The following TTLL11 variants were observed in gnomAD, a reference collection of about 807,000 sequenced individuals.
TTLL11 encodes the protein tubulin tyrosine ligase like 11, also known as tubulin polyglutamylase TTLL11.
TTLL11 carries 42 observed loss-of-function variants against 51.7 expected under a neutral mutation model. The observed-to-expected ratio is 0.81, with a 90% CI of 0.64 to 1.05. The LOEUF is 1.05. TTLL11 is among the 50% of genes least tolerant of loss of function. The pLI, the probability that TTLL11 is intolerant of heterozygous loss-of-function variation, is 0.00. For synonymous variants in TTLL11, 381 were observed against 383.5 expected (o/e 0.99, Z 0.08); for missense variants, 799 against 940.4 (o/e 0.85, Z 1.97).
chr9:122,002,289 A>G (rs1324970898), intron 3 of TTLL11, among the ~76,000 whole-genome samples: 1 of 152,168 alleles, frequency 6.6e-6, no homozygotes, highest in Non-Finnish European at 1.5e-5. Flanking sequence ...CTTTGGGGAA[A>G]CAGATGCCCC....
intron 1 of TTLL11, among the ~76,000 whole-genome samples, chr9:122,045,728 G>A (rs1171857639): frequency 2.0e-5 from 3 of 152,184 alleles, no homozygotes; most frequent in Admixed American, 1.3e-4. Context: ...GCCTTATAAA[G>A]GAAGGAAATT....
intron 3 of TTLL11, among the ~76,000 whole-genome samples, chr9:121,999,666 G>T (rs1843403754): frequency 6.6e-6 from 1 of 152,184 alleles, no homozygotes; most frequent in Non-Finnish European, 1.5e-5. Flanking sequence ...GCAACCCTGT[G>T]AGATAGGCAT....
intron 7 of TTLL11, among the ~76,000 whole-genome samples, chr9:121,863,473 T>C (rs1838082518): frequency 6.6e-6 from 1 of 152,216 alleles, no homozygotes; most frequent in African/African-American, 2.4e-5. Context: ...ATAGTCATTT[T>C]TTTTCTGACA....
chr9:122,092,921 C>A lies in TTLL11; in HGVS notation c.228G>T (p.Gly76=). The stretch of plus-strand genomic sequence containing the variant: ...GCGGCCGCTGAAGGACCTGGGTGTT[C>A]CCCTCCTCAGCCGCACTGGGCTGCG... ...APAQPSAAEE[G]NTQVLQRPPP... is the part of the protein sequence containing the mutation. Residue 76 remains glycine, a synonymous_variant, in exon 1 of 9, where the codon GGG becomes GGT. Coordinates refer to ENST00000321582, the MANE Select transcript of TTLL11 (RefSeq NM_001139442.2). 1 of 1,579,432 alleles carries A rather than the reference C, an allele frequency of 6.3e-7. No individual in the cohort carries two copies. Among genetic ancestry groups the A allele is most frequent in the Non-Finnish European group, 8.5e-7 (1 of 1,170,566 alleles).
intron 6 of TTLL11, among the ~76,000 whole-genome samples, chr9:121,899,579 T>C (rs1050254612): frequency 6.6e-6 from 1 of 151,878 alleles, no homozygotes; most frequent in African/African-American, 2.4e-5. Flanking sequence ...TTTATTTTTA[T>C]TTTTTGTAGA....
chr9:121,858,729 G>T (rs1837906956), intron 8 of TTLL11, among the ~76,000 whole-genome samples: 1 of 152,220 alleles, frequency 6.6e-6, no homozygotes, highest in South Asian at 2.1e-4. Flanking sequence ...CATCAGCGAG[G>T]ACTCCAAAGA....
intron 6 of TTLL11, among the ~76,000 whole-genome samples, chr9:121,968,711 C>T (rs1445895787): frequency 1.3e-5 from 2 of 151,938 alleles, no homozygotes; most frequent in Admixed American, 1.3e-4. Flanking sequence ...CATGCACCAC[C>T]ATGCCTGGCT....
rs2131440218 is a variant in TTLL11 at position 121,890,204 on chromosome 9, TC to T, written c.1482-19457del. 6.6e-6 allele frequency among the ~76,000 whole-genome samples: 1 copy of T among 152,218 alleles called. No homozygotes were observed. Among genetic ancestry groups the T allele is most frequent in the South Asian group, 2.1e-4 (1 of 4,824 alleles). On this transcript the variant is annotated intron_variant, in intron 6 of 8. Coordinates refer to ENST00000321582, the MANE Select transcript of TTLL11 (RefSeq NM_001139442.2). The surrounding 1 kb of genome is among the most constrained non-coding windows in gnomAD (Gnocchi z 4.3). ...CCTGACTCAGAGGAGGGATTCCCCA[TC>T]CATCCAGTGTCTGGGCCAGAAACCA...
chr9:122,029,690 T>C (rs1490646897), intron 3 of TTLL11, among the ~76,000 whole-genome samples: 2 of 152,166 alleles, frequency 1.3e-5, no homozygotes, highest in Non-Finnish European at 2.9e-5. Flanking sequence ...CTAAGGCTAA[T>C]TTATCGAAGA....
At chr9:121,926,413 C>A (rs2131539771) in intron 6 of TTLL11, among the ~76,000 whole-genome samples, 1 of 152,364 alleles carries the variant, frequency 6.6e-6, no homozygotes, top group East Asian at 1.9e-4. Context: ...GTGTTCACTG[C>A]CACAAGGCTT....
intron 1 of TTLL11, among the ~76,000 whole-genome samples, chr9:122,060,841 A>G (rs1845416701): frequency 6.6e-6 from 1 of 152,246 alleles, no homozygotes; most frequent in Admixed American, 6.5e-5. Flanking sequence ...TTGAAGAAGA[A>G]CTGTATAACT....
rs562697983 is a variant in TTLL11, at chr9:121,991,209, T to C, written c.694-1439A>G. On this transcript the variant is annotated intron_variant, in intron 3 of 8. Transcript: ENST00000321582. ...TGCACTCTGGCTTGTGCCTTGCGCT[T>C]ATCTCTTTGACCAGCCTATATTTCT... Among the ~76,000 whole-genome samples the C allele has an allele frequency of 2.2e-4, 33 of 152,390 alleles. 1 individual carries two copies. Among genetic ancestry groups the C allele is most frequent in the Middle Eastern group, 3.4e-3 (1 of 294 alleles).
At chr9:121,986,780 T>C (rs1564342466) in intron 4 of TTLL11, among the ~76,000 whole-genome samples, 2 of 152,062 alleles carry the variant, frequency 1.3e-5, no homozygotes, top group Non-Finnish European at 2.9e-5. Context: ...TGCTGTTGAA[T>C]GAATGCCCCA....
intron 1 of TTLL11, among the ~76,000 whole-genome samples, chr9:122,081,891 G>A (rs1846011658): frequency 6.6e-6 from 1 of 151,976 alleles, no homozygotes; most frequent in African/African-American, 2.4e-5. Context: ...CAATCCAAAA[G>A]ATAAAATGAA....
chr9:122,056,279 A>T (rs1588243661), intron 1 of TTLL11, among the ~76,000 whole-genome samples: 2 of 152,222 alleles, frequency 1.3e-5, no homozygotes, highest in Non-Finnish European at 2.9e-5. Flanking sequence ...GACTCGAGTC[A>T]TACAATCACA....
intron 6 of TTLL11, among the ~76,000 whole-genome samples, chr9:121,881,509 C>T (rs1440323845): frequency 2.6e-5 from 4 of 152,230 alleles, no homozygotes; most frequent in Admixed American, 1.3e-4. Flanking sequence ...TTGTTAATTT[C>T]ACTCATCACT....
At chr9:121,851,536 G>C (rs1837663408) in intron 8 of TTLL11, among the ~76,000 whole-genome samples, 1 of 152,206 alleles carries the variant, frequency 6.6e-6, no homozygotes, top group African/African-American at 2.4e-5. Context: ...GCCTGTGTTA[G>C]GTGCTTGATA....
intron 3 of TTLL11, among the ~76,000 whole-genome samples, chr9:122,030,307 T>C (rs1427997756): frequency 6.6e-6 from 1 of 151,678 alleles, no homozygotes; most frequent in Non-Finnish European, 1.5e-5. Context: ...TTTAAGTTAA[T>C]AGTTCGATGA....
intron 1 of TTLL11, among the ~76,000 whole-genome samples, 191 bp downstream of exon 1, chr9:122,092,496 T>C (rs1043687032): frequency 1.3e-5 from 2 of 152,044 alleles, no homozygotes; most frequent in Admixed American, 6.5e-5. Context: ...TGGGGGGCCC[T>C]CTTGGAGGAA....
Sources: gnomAD v4.1 joint callset for allele counts (sites outside exome capture counted in the v4.1 genomes callset) on GRCh38, gnomAD v4.1.1 for gene constraint, Gnocchi (gnomAD v3.1) non-coding constraint, MANE v1.5 for transcripts, NCBI Gene and HGNC (gene_info 2026-07-23, HGNC 2026-07-21) for gene names.